FHIT: variants seen among roughly 807,000 people sequenced by gnomAD.
FHIT encodes the protein bis(5'-adenosyl)-triphosphatase.
FHIT carries 19 observed loss-of-function variants against 17.9 expected under a neutral mutation model. That is an observed-to-expected ratio of 1.06 (90% CI 0.74 to 1.56). The LOEUF is 1.56. Among genes scored for constraint, FHIT ranks in the 40% most tolerant of loss-of-function variants. The pLI is 0.00. For missense variants in FHIT, 248 were observed against 189.2 expected, an observed-to-expected ratio of 1.31 and a Z score of -1.82; for synonymous variants, 81 against 69.7, an observed-to-expected ratio of 1.16 and a Z score of -0.81.
intron 5 of FHIT, among the ~76,000 whole-genome samples, chr3:60,083,147 GA>G (rs1703360557): frequency 6.6e-6 from 1 of 152,118 alleles, no homozygotes; most frequent in South Asian, 2.1e-4. Context: ...TGTATATGGT[GA>G]AAGGTAGGGG....
intron 8 of FHIT, among the ~76,000 whole-genome samples, chr3:59,846,779 TCA>T: frequency 6.6e-6 from 1 of 152,334 alleles, no homozygotes; most frequent in Middle Eastern, 3.4e-3. Flanking sequence ...ATAAATTTTC[TCA>T]GGTTTTATCT....
intron 3 of FHIT, among the ~76,000 whole-genome samples, chr3:60,900,298 G>C (rs1288829969): frequency 6.6e-6 from 1 of 152,088 alleles, no homozygotes; most frequent in Non-Finnish European, 1.5e-5. Flanking sequence ...TGGTGGCCAT[G>C]CCTGAAGTCC....
intron 5 of FHIT, among the ~76,000 whole-genome samples, chr3:60,340,451 C>T (rs1038828999): frequency 3.3e-5 from 5 of 152,178 alleles, no homozygotes; most frequent in Non-Finnish European, 7.3e-5. Context: ...AGCCCTTCCA[C>T]CATCCATGCC....
chr3:60,606,077 T>G (rs894698779), intron 4 of FHIT, among the ~76,000 whole-genome samples: 18 of 152,044 alleles, frequency 1.2e-4, no homozygotes, highest in African/African-American at 4.3e-4. Flanking sequence ...AAGGATGACA[T>G]TCTTCTTGCC....
intron 8 of FHIT, among the ~76,000 whole-genome samples, chr3:59,909,456 T>C (rs538145877): frequency 6.6e-6 from 1 of 152,114 alleles, no homozygotes; most frequent in East Asian, 1.9e-4. Context: ...CAGCCTCCTG[T>C]GTACATGCGA....
intron 8 of FHIT, among the ~76,000 whole-genome samples, chr3:59,795,489 G>C (rs537917449): frequency 1.4e-4 from 21 of 151,952 alleles, no homozygotes; most frequent in Non-Finnish European, 2.5e-4. Flanking sequence ...AGAAGAGTGA[G>C]GGTAAGTTTA....
intron 3 of FHIT, among the ~76,000 whole-genome samples, chr3:60,950,546 T>C (rs1708832395): frequency 6.6e-6 from 1 of 151,490 alleles, no homozygotes; most frequent in Admixed American, 6.6e-5. Flanking sequence ...AGATGGAGTC[T>C]GACTCTGTCG....
At chr3:60,204,723 G>A (rs1703091452) in intron 5 of FHIT, among the ~76,000 whole-genome samples, 1 of 152,054 alleles carries the variant, frequency 6.6e-6, no homozygotes, top group Non-Finnish European at 1.5e-5. Flanking sequence ...TAATACAAAT[G>A]AAAATAAGGG....
intron 7 of FHIT, among the ~76,000 whole-genome samples, chr3:59,982,556 T>G (rs6771484): frequency 0.35 from 53,637 of 152,090 alleles, 10,613 homozygotes; most frequent in East Asian, 0.53. Context: ...ATAACTAACT[T>G]TACTTTGGGA....
intron 4 of FHIT, among the ~76,000 whole-genome samples, chr3:60,574,909 A>C (rs1303940760): frequency 6.7e-6 from 1 of 149,260 alleles, no homozygotes; most frequent in Non-Finnish European, 1.5e-5. Context: ...CCCTTTGCAC[A>C]CTGTGTTCCC....
chr3:60,202,545 T>C (rs1007850402), intron 5 of FHIT, among the ~76,000 whole-genome samples: 6 of 152,212 alleles, frequency 3.9e-5, no homozygotes, highest in Non-Finnish European at 5.9e-5. Context: ...AGAGTAGTTA[T>C]GGTTGCCTGA....
At chr3:60,542,710 A>G (rs2107609581) in intron 4 of FHIT, among the ~76,000 whole-genome samples, 1 of 152,206 alleles carries the variant, frequency 6.6e-6, no homozygotes, top group South Asian at 2.1e-4. Flanking sequence ...CCATCTATTA[A>G]TTTCTCTATC....
intron 5 of FHIT, among the ~76,000 whole-genome samples, chr3:60,464,337 T>C (rs2032662277): frequency 6.6e-6 from 1 of 152,164 alleles, no homozygotes; most frequent in African/African-American, 2.4e-5. Flanking sequence ...ATATACATCA[T>C]CTCAAGCATT....
chr3:60,080,937 C>T (rs1703254377), intron 5 of FHIT: 1 of 152,126 alleles, frequency 6.6e-6, no homozygotes. Flanking sequence ...TTCTAGTCTC[C>T]TTTCTGAGTT....
At chr3:61,187,008 T>A (rs924767502) in intron 2 of FHIT, among the ~76,000 whole-genome samples, 1 of 152,242 alleles carries the variant, frequency 6.6e-6, no homozygotes, top group African/African-American at 2.4e-5. Flanking sequence ...GGTTTACTAG[T>A]TCTGATCTGT....
chr3:60,427,391 T>C (rs1266462159), intron 5 of FHIT, among the ~76,000 whole-genome samples: 1 of 152,120 alleles, frequency 6.6e-6, no homozygotes, highest in Admixed American at 6.6e-5. Context: ...CACAGTCAAC[T>C]GACACCTTGA....
chr3:60,822,083 A>G (rs1369868310), intron 3 of FHIT, 72 bp from the exon 4 acceptor site: 1 of 152,178 alleles, frequency 6.6e-6, no homozygotes, highest in African/African-American at 2.4e-5. Flanking sequence ...CAATTTCATT[A>G]GGAACGTTCA....
At chr3:60,289,983 G>C (rs1239932654) in intron 5 of FHIT, among the ~76,000 whole-genome samples, 1 of 152,204 alleles carries the variant, frequency 6.6e-6, no homozygotes, top group African/African-American at 2.4e-5. Context: ...TATAGTTCAT[G>C]TGTAATCATG....
At chr3:61,211,572 G>A (rs1240449716) in intron 1 of FHIT, among the ~76,000 whole-genome samples, 4 of 152,194 alleles carry the variant, frequency 2.6e-5, no homozygotes, top group Non-Finnish European at 5.9e-5. Context: ...CACCTCTGGG[G>A]GCAGGGCACA....
Sources: gnomAD v4.1 joint callset for allele counts (sites outside exome capture counted in the v4.1 genomes callset) on GRCh38, gnomAD v4.1.1 for gene constraint, MANE v1.5 for transcripts, NCBI Gene and HGNC (gene_info 2026-07-23, HGNC 2026-07-21) for gene names.